The following LRP1B variants were observed in gnomAD, a reference collection of about 807,000 sequenced individuals.
The protein encoded by LRP1B is LDL receptor related protein 1B, also known as low-density lipoprotein receptor-related protein 1B.
LRP1B carries 217 observed loss-of-function variants against 556.6 expected under a neutral mutation model. The observed-to-expected ratio is 0.39, with a 90% CI of 0.35 to 0.44. LRP1B has a LOEUF of 0.44. Among genes scored for constraint, LRP1B ranks in the 20% least tolerant of loss-of-function variants. The pLI is 1.00. For missense variants in LRP1B, 5,053 were observed against 5,620.8 expected, an observed-to-expected ratio of 0.90 and a Z score of 3.23; for synonymous variants, 2,047 against 1,865.8, an observed-to-expected ratio of 1.10 and a Z score of -2.50.
At chr2:141,276,658 CTTTT>C (rs11353705) in intron 3 of LRP1B, among the ~76,000 whole-genome samples, 5 of 122,918 alleles carry the variant, frequency 4.1e-5, no homozygotes, top group Admixed American at 8.5e-5. Context: ...TTCTTTCTTT[CTTTT>C]TTTTTTTTTT....
At position 140,665,110 on chromosome 2, in the gene LRP1B, A is replaced by G. The variant is rs564948764; in HGVS notation, c.6799+35140T>C. ...CTACTACTATTGTACTAATGAGAAT[A>G]GCAAGAAAGTTTGTTTATATGTATT... On this transcript the variant is annotated intron_variant, in intron 41 of 90. Coordinates refer to ENST00000389484, the MANE Select transcript of LRP1B (RefSeq NM_018557.3). Among the ~76,000 whole-genome samples, 502 of 152,356 alleles carry G rather than the reference A, an allele frequency of 3.3e-3. 6 individuals carry two copies. The highest frequency in any genetic ancestry group is 5.8e-3 in the Non-Finnish European group (396 of 68,008).
In LRP1B at chr2:140,442,540, G is replaced by A. The variant is rs1450675840; in HGVS notation, c.10378C>T (p.Pro3460Ser). Residue 3460 changes from proline to serine, a missense_variant, in exon 66 of 91, where the codon CCA becomes TCA. Transcript: ENST00000389484. Reference sequence around the variant, plus strand: ...TCGTCTGATGCATCTGCACAGTCTGGATCCTCGTCACAAACCCACAGCTTG... The same window carrying A: ...TCGTCTGATGCATCTGCACAGTCTGAATCCTCGTCACAAACCCACAGCTTG... ...ISKLWVCDED[P>S]DCADASDEAN... The A allele has an allele frequency of 1.2e-6, 2 of 1,614,002 alleles. No individual in the cohort carries two copies. Among genetic ancestry groups the A allele is most frequent in the East Asian group, 4.5e-5 (2 of 44,848 alleles).
At chr2:140,391,972 C>T (rs1684042019) in intron 66 of LRP1B, among the ~76,000 whole-genome samples, 1 of 152,094 alleles carries the variant, frequency 6.6e-6, no homozygotes, top group Non-Finnish European at 1.5e-5. Context: ...GTGAGACTGT[C>T]TGGATTCAAG....
At position 140,444,433 on chromosome 2, in the gene LRP1B, C is replaced by G. The variant is rs2105304346; in HGVS notation, c.10191G>C (p.Leu3397=). The G allele has an allele frequency of 6.2e-7, 1 of 1,613,940 alleles. No individual in the cohort carries two copies. The highest frequency in any genetic ancestry group is 8.5e-7 in the Non-Finnish European group (1 of 1,179,924). ...TCTTGGTACATTTGAATTGACCTGACAGGCAGACATGTGTGTCTAGAACAT... is the reference window on the plus strand; with the variant it reads ...TCTTGGTACATTTGAATTGACCTGAGAGGCAGACATGTGTGTCTAGAACAT... The part of the protein sequence containing the change: ...DELNCDTHVC[L]SGQFKCTKNQ... The change falls in exon 65 of 91, where the codon CTG becomes CTC. Residue 3397 remains leucine, a synonymous_variant. Coordinates refer to ENST00000389484, the MANE Select transcript of LRP1B (RefSeq NM_018557.3).
In LRP1B at chr2:140,990,904, G is replaced by A. The variant is rs144841570; in HGVS notation, c.2645-1247C>T. On this transcript the variant is annotated intron_variant, in intron 16 of 90. Coordinates refer to ENST00000389484, the MANE Select transcript of LRP1B (RefSeq NM_018557.3). ...TGTTTTACTGAGAATTTGAAAAATT[G>A]TTGTTTTATCATGCTTGTTGAGTAG... Among the ~76,000 whole-genome samples, 256 of 152,144 alleles carry A rather than the reference G, an allele frequency of 1.7e-3. 1 individual carries two copies. Among genetic ancestry groups the A allele is most frequent in the African/African-American group, 5.9e-3 (245 of 41,512 alleles).
chr2:141,967,234 C>G (rs1558992476), intron 1 of LRP1B, among the ~76,000 whole-genome samples: 1 of 151,858 alleles, frequency 6.6e-6, no homozygotes, highest in Non-Finnish European at 1.5e-5. Context: ...TGATTTAACT[C>G]TATAGGTGAA....
intron 1 of LRP1B, among the ~76,000 whole-genome samples, chr2:141,935,938 C>T (rs1342299282): frequency 6.6e-6 from 1 of 152,130 alleles, no homozygotes; most frequent in African/African-American, 2.4e-5. Context: ...AATTAATATA[C>T]TTTACTACAT....
At chr2:142,078,852 A>T (rs966956827) in intron 1 of LRP1B, among the ~76,000 whole-genome samples, 3 of 141,152 alleles carry the variant, frequency 2.1e-5, no homozygotes, top group South Asian at 2.3e-4. Flanking sequence ...TAGTGCCTAA[A>T]AAGCAATATC....
rs1480535743 is a variant in LRP1B, at chr2:140,700,575, A to G, written c.6474T>C (p.Cys2158=). Residue 2158 remains cysteine, a synonymous_variant, in exon 41 of 91, where the codon TGT becomes TGC. Coordinates refer to ENST00000389484, the MANE Select transcript of LRP1B (RefSeq NM_018557.3). Reference sequence around the variant, plus strand: ...TTCTCCGGGAATTTCCTCGATAAAGACAGAGTTGCTTACAGCCACCATTGT... The same window carrying G: ...TTCTCCGGGAATTTCCTCGATAAAGGCAGAGTTGCTTACAGCCACCATTGT... ...ARDNGGCKQL[C]LYRGNSRRTC... is the part of the protein sequence containing the mutation. The G allele has an allele frequency of 1.2e-6, 2 of 1,613,456 alleles. No homozygotes were observed. The highest frequency in any genetic ancestry group is 1.7e-6 in the Non-Finnish European group (2 of 1,179,648).
intron 25 of LRP1B, among the ~76,000 whole-genome samples, chr2:140,878,989 C>CAA (rs3063609): frequency 7.4e-6 from 1 of 135,790 alleles, no homozygotes; most frequent in South Asian, 2.3e-4. Flanking sequence ...ACTCTGTTTC[C>CAA]AAAAAAAAAA....
At chr2:140,509,181 CAG>C (rs781581077) in intron 52 of LRP1B, among the ~76,000 whole-genome samples, 1 of 151,868 alleles carries the variant, frequency 6.6e-6, no homozygotes, top group Non-Finnish European at 1.5e-5. Context: ...AGATGACTGA[CAG>C]AACTCATTTT....
intron 43 of LRP1B, among the ~76,000 whole-genome samples, chr2:140,552,004 G>A (rs1036450966): frequency 1.3e-5 from 2 of 152,106 alleles, no homozygotes; most frequent in Non-Finnish European, 2.9e-5. Context: ...GAAGAAGTTA[G>A]CTCAAGGTCA....
intron 3 of LRP1B, among the ~76,000 whole-genome samples, chr2:141,322,851 T>C (rs1182400506): frequency 1.3e-5 from 2 of 152,174 alleles, no homozygotes; most frequent in East Asian, 3.9e-4. Context: ...ATTATTGATT[T>C]TGCAAATCAG....
At chr2:141,756,549 AC>A (rs1558853793) in intron 2 of LRP1B, among the ~76,000 whole-genome samples, 4,246 of 32,234 alleles carry the variant, frequency 0.13, 213 homozygotes, top group African/African-American at 0.21. Context: ...CAAATTACAC[AC>A]ACACACACAC....
chr2:141,983,005 A>G (rs1391973902), intron 1 of LRP1B, among the ~76,000 whole-genome samples: 1 of 152,212 alleles, frequency 6.6e-6, no homozygotes, highest in Non-Finnish European at 1.5e-5. Context: ...GCCAGTTTGA[A>G]GAGAAAAAAT....
At chr2:142,066,731 T>C (rs1359787088) in intron 1 of LRP1B, among the ~76,000 whole-genome samples, 1 of 151,474 alleles carries the variant, frequency 6.6e-6, no homozygotes, top group Non-Finnish European at 1.5e-5. Context: ...TCAAAAGTTT[T>C]CCAGCCTCTG....
chr2:140,288,818 C>A (rs80255334), intron 84 of LRP1B, among the ~76,000 whole-genome samples: 3,097 of 151,854 alleles, frequency 0.02, 39 homozygotes, highest in African/African-American at 0.028. Flanking sequence ...TATCATTTTT[C>A]AACCTACAAC....
At chr2:142,016,827 T>A (rs1301950336) in intron 1 of LRP1B, among the ~76,000 whole-genome samples, 2 of 106,558 alleles carry the variant, frequency 1.9e-5, no homozygotes, top group East Asian at 2.9e-4. Flanking sequence ...AAAGTATATA[T>A]ATATATTTAT....
At chr2:140,745,473 A>G (rs908466393) in intron 35 of LRP1B, among the ~76,000 whole-genome samples, 1 of 152,140 alleles carries the variant, frequency 6.6e-6, no homozygotes, top group Non-Finnish European at 1.5e-5. Flanking sequence ...TCTTCTGTCA[A>G]GTTAACAATG....
Sources: allele counts gnomAD v4.1 joint callset (sites outside exome capture counted in the v4.1 genomes callset), GRCh38; gene constraint gnomAD v4.1.1; transcripts MANE v1.5; gene names NCBI Gene and HGNC (gene_info 2026-07-23, HGNC 2026-07-21).